The following MAPKAPK2 variants were observed in gnomAD, a reference collection of about 807,000 sequenced individuals.
The protein encoded by MAPKAPK2 is MAPK activated protein kinase 2, also known as MAP kinase-activated protein kinase 2.
MAPKAPK2 carries 9 observed loss-of-function variants against 48.8 expected under a neutral mutation model. The observed-to-expected ratio is 0.18, with a 90% CI of 0.11 to 0.32. The LOEUF (loss-of-function observed/expected upper bound fraction) is 0.32. MAPKAPK2 is among the 10% of genes least tolerant of loss of function. The probability of loss-of-function intolerance (pLI) is 1.00; values close to 1 mark genes in which losing one functional copy is unlikely to be tolerated. For missense variants in MAPKAPK2, 331 were observed against 498.3 expected, an observed-to-expected ratio of 0.66 and a Z score of 3.20; for synonymous variants, 202 against 190.6, an observed-to-expected ratio of 1.06 and a Z score of -0.49.
At chr1:206,698,047 G>C (rs562086632) in intron 1 of MAPKAPK2, among the ~76,000 whole-genome samples, 2 of 152,356 alleles carry the variant, frequency 1.3e-5, no homozygotes, top group Admixed American at 6.5e-5. Context: ...ACAAGTGGTC[G>C]GCCTGGGTCC....
chr1:206,702,248 A>G (rs1553428019), intron 1 of MAPKAPK2, among the ~76,000 whole-genome samples: 1 of 152,210 alleles, frequency 6.6e-6, no homozygotes, highest in South Asian at 2.1e-4. Context: ...TGCTCATTGC[A>G]TCTTTAGAGC....
intron 1 of MAPKAPK2, among the ~76,000 whole-genome samples, chr1:206,711,414 C>G (rs1673135958): frequency 6.6e-6 from 1 of 152,042 alleles, no homozygotes. Context: ...CCACACCCAG[C>G]TAATTTTTGT....
chr1:206,717,957 A>G (rs1673387019), intron 1 of MAPKAPK2, among the ~76,000 whole-genome samples: 2 of 152,200 alleles, frequency 1.3e-5, no homozygotes. Context: ...AAATTCCTCC[A>G]GAAAAAAACT....
At position 206,731,928 on chromosome 1, in the gene MAPKAPK2, C is replaced by T. The variant is rs868930202; in HGVS notation, c.1059+9C>T. ...GGTGGGAGGATGTCAAGGTGAGGGG[C>T]ACCACTGGGTGAGAGGGGCTCCAGG... On this transcript the variant is annotated intron_variant, in intron 9 of 9. Transcript: ENST00000367103. The surrounding 1 kb of genome is among the most constrained non-coding windows in gnomAD (Gnocchi z 5.9). 3 of 1,614,106 alleles carry T rather than the reference C, an allele frequency of 1.9e-6. No individual in the cohort carries two copies. Among genetic ancestry groups the T allele is most frequent in the Middle Eastern group, 1.6e-4 (1 of 6,062 alleles).
At position 206,730,753 on chromosome 1, in the gene MAPKAPK2, A is replaced by G; in HGVS notation, c.757A>G (p.Met253Val). The change falls in exon 6 of 10, where the codon ATG becomes GTG. Residue 253 changes from methionine to valine, a missense_variant. Met to Val is a conservative substitution (Grantham distance 21). Around this residue, in one of 4 missense-constraint regions of MAPKAPK2, gnomAD observed 124 missense variants for 194.6 expected, o/e 0.64. Transcript: ENST00000367103. ...TGACATGTGGTCCCTGGGTGTCATC[A>G]TGTACATCCTGTGAGTGTGCTGGGG... ...SCDMWSLGVI[M>V]YILLCGYPPF... 1.6e-6 allele frequency: 1 copy of G among 636,492 alleles called. No individual in the cohort carries two copies. The highest frequency in any genetic ancestry group is 2.8e-6 in the Non-Finnish European group (1 of 358,492). 39.4% of individuals were successfully genotyped at this position (636,492 alleles called of 1,614,324 possible). A position where few individuals can be genotyped will look rare whatever the true frequency, so the allele number is the denominator to read the frequency against.
At chr1:206,708,456 A>G (rs1282027598) in intron 1 of MAPKAPK2, among the ~76,000 whole-genome samples, 1 of 152,200 alleles carries the variant, frequency 6.6e-6, no homozygotes, top group East Asian at 1.9e-4. Flanking sequence ...TTACTTTATC[A>G]TGTCTCTACG....
Position 206,732,824 on chromosome 1 carries a change from C to T in MAPKAPK2, c.*106C>T, listed in dbSNP as rs1673970117. ...GTCCACATCTGCCTCCTCTCCTCCTCAGCTGCATGGAGCCTGGAACTGCAT... is the reference window on the plus strand; with the variant it reads ...GTCCACATCTGCCTCCTCTCCTCCTTAGCTGCATGGAGCCTGGAACTGCAT... On this transcript the variant is annotated 3_prime_UTR_variant, in exon 10 of 10. Transcript: ENST00000367103. The surrounding 1 kb of genome is among the most constrained non-coding windows in gnomAD (Gnocchi z 4.4). The T allele has an allele frequency of 7.7e-7, 1 of 1,303,676 alleles. No individual in the cohort carries two copies. 80.8% of individuals were successfully genotyped at this position (1,303,676 alleles called of 1,614,324 possible).
intron 1 of MAPKAPK2, among the ~76,000 whole-genome samples, chr1:206,696,939 T>G (rs1333478698): frequency 1.3e-5 from 2 of 152,192 alleles, no homozygotes; most frequent in Non-Finnish European, 2.9e-5. Flanking sequence ...TCTGTTCTCA[T>G]TCTTCTGCTG....
chr1:206,728,260 TG>T (rs1260280708), intron 1 of MAPKAPK2, among the ~76,000 whole-genome samples: 1 of 152,200 alleles, frequency 6.6e-6, no homozygotes, highest in Non-Finnish European at 1.5e-5. Context: ...TTTGTTGTGC[TG>T]GGTCTGAGTA....
chr1:206,699,190 T>C (rs568629203), intron 1 of MAPKAPK2, among the ~76,000 whole-genome samples: 1 of 152,336 alleles, frequency 6.6e-6, no homozygotes, highest in South Asian at 2.1e-4. Flanking sequence ...ATTTTTGTCA[T>C]TTGACCCTTG....
At chr1:206,695,037 G>A (rs1437637577) in intron 1 of MAPKAPK2, among the ~76,000 whole-genome samples, 4 of 152,208 alleles carry the variant, frequency 2.6e-5, no homozygotes, top group Non-Finnish European at 5.9e-5. Context: ...TACCCTTTGT[G>A]TTCTCTTCCC....
chr1:206,731,541 C>A lies in MAPKAPK2; in HGVS notation c.893-99C>A. ...TGCTCCGGCAGCCTGCCTCCATGCA[C>A]CCCCTCTTTGAACCTGGTTTCCCCA... On this transcript the variant is annotated intron_variant, in intron 7 of 9. Coordinates refer to ENST00000367103, the MANE Select transcript of MAPKAPK2 (RefSeq NM_032960.4). This position sits in a 1 kb window ranked among gnomAD's most constrained non-coding sequence, Gnocchi z 5.9. 8.5e-7 allele frequency: 1 copy of A among 1,179,864 alleles called. No homozygotes were observed. The highest frequency in any genetic ancestry group is 1.2e-5 in the South Asian group (1 of 80,986). 73.1% of individuals were successfully genotyped at this position (1,179,864 alleles called of 1,614,324 possible).
intron 1 of MAPKAPK2, among the ~76,000 whole-genome samples, chr1:206,726,702 G>C (rs1272718407): frequency 1.3e-5 from 2 of 152,226 alleles, no homozygotes; most frequent in East Asian, 3.8e-4. Flanking sequence ...CCTTGGCTCT[G>C]CCTTTTCTCA....
intron 1 of MAPKAPK2, among the ~76,000 whole-genome samples, chr1:206,715,483 G>A (rs183755526): frequency 5.3e-5 from 8 of 152,240 alleles, no homozygotes; most frequent in East Asian, 1.9e-4. Flanking sequence ...TTCTTTAAGC[G>A]ATTATTGTGT....
At position 206,685,385 on chromosome 1, in the gene MAPKAPK2, G is replaced by T; in HGVS notation, c.156G>T (p.Leu52=). The change falls in exon 1 of 10, where the codon CTG becomes CTT. Residue 52 remains leucine (L), a synonymous_variant. Coordinates refer to ENST00000367103, the MANE Select transcript of MAPKAPK2 (RefSeq NM_032960.4). The part of the protein sequence containing the change: ...QFPQFHVKSG[L]QIKKNAIIDD... ...CGCAGTTCCACGTCAAGTCCGGCCT[G>T]CAGATCAAGAAGAACGCCATCATCG... The T allele has an allele frequency of 6.5e-7, 1 of 1,528,398 alleles. No individual in the cohort carries two copies. The highest frequency in any genetic ancestry group is 8.8e-7 in the Non-Finnish European group (1 of 1,131,664). 94.7% of individuals were successfully genotyped at this position (1,528,398 alleles called of 1,614,324 possible). A position where few individuals can be genotyped will look rare whatever the true frequency, so the allele number is the denominator to read the frequency against.
intron 1 of MAPKAPK2, among the ~76,000 whole-genome samples, chr1:206,721,326 C>A (rs949799600): frequency 6.6e-6 from 1 of 152,178 alleles, no homozygotes; most frequent in South Asian, 2.1e-4. Flanking sequence ...CCAGTTATAT[C>A]TTTTCTTTAC....
intron 1 of MAPKAPK2, among the ~76,000 whole-genome samples, chr1:206,711,607 C>CT (rs781793889): frequency 0.065 from 7,472 of 115,456 alleles, 533 homozygotes; most frequent in African/African-American, 0.15. Context: ...CTACCTCATT[C>CT]TTTTTTTTTT....
At position 206,733,165 on chromosome 1, in the gene MAPKAPK2, C is replaced by T; in HGVS notation, c.*447C>T. On this transcript the variant is annotated 3_prime_UTR_variant, in exon 10 of 10. Transcript: ENST00000367103. The stretch of plus-strand genomic sequence containing the variant: ...TTCTCCACAACAGCCTGGGGTTGTC[C>T]CCGCTGGCTCACGCGTTCTGGGAGC... 6.3e-6 allele frequency: 1 copy of T among 159,460 alleles called. No individual in the cohort carries two copies. The highest frequency in any genetic ancestry group is 6.2e-5 in the Admixed American group (1 of 16,176). The allele number at this position is 159,460 out of a possible 1,614,324, so 9.9% of individuals were successfully genotyped here. A position where few individuals can be genotyped will look rare whatever the true frequency, so the allele number is the denominator to read the frequency against.
chr1:206,689,196 A>G (rs1672377654), intron 1 of MAPKAPK2, among the ~76,000 whole-genome samples: 1 of 152,224 alleles, frequency 6.6e-6, no homozygotes, highest in South Asian at 2.1e-4. Flanking sequence ...TGGATTAGAG[A>G]AAACAAGGTC....
Sources: allele counts gnomAD v4.1 joint callset (sites outside exome capture counted in the v4.1 genomes callset), GRCh38; gene constraint gnomAD v4.1.1; regional missense constraint gnomAD v4.1.1; non-coding constraint Gnocchi (gnomAD v3.1); transcripts MANE v1.5; gene names NCBI Gene and HGNC (gene_info 2026-07-23, HGNC 2026-07-21).